NTM: variants seen among roughly 807,000 people sequenced by gnomAD.
NTM encodes the protein neurotrimin.
In NTM, 13 loss-of-function variants were observed where a neutral mutation model predicts 42.1. That is an observed-to-expected ratio of 0.31 (90% CI 0.20 to 0.49). The LOEUF is 0.49. NTM is among the 20% of genes least tolerant of loss of function. The pLI is 0.99. For synonymous variants in NTM, 187 were observed against 179.2 expected (o/e 1.04, Z -0.35); for missense variants, 373 against 452.8 (o/e 0.82, Z 1.60).
chr11:131,838,144 T>G lies in NTM; in HGVS notation c.83-73420T>G, dbSNP rs78825383. On this transcript the variant is annotated intron_variant, in intron 1 of 8. Transcript: ENST00000683400. The stretch of plus-strand genomic sequence containing the variant: ...TTTATTTATTTATTTTTACATCAGG[T>G]AAAAACCGGAAGGACGACTCGGTTC... Among the ~76,000 whole-genome samples the G allele has an allele frequency of 2.1e-3, 322 of 152,176 alleles. 5 individuals are homozygous for G. In the East Asian group the frequency reaches 0.037, roughly 17 times the overall value.
At chr11:132,063,640 A>G (rs1030788211) in intron 2 of NTM, among the ~76,000 whole-genome samples, 8 of 152,206 alleles carry the variant, frequency 5.3e-5, no homozygotes, top group East Asian at 1.9e-4. Context: ...TTAGACTTCA[A>G]TCATTTTACA....
intron 2 of NTM, among the ~76,000 whole-genome samples, chr11:132,060,312 C>T (rs957645798): frequency 4.6e-5 from 7 of 152,306 alleles, no homozygotes; most frequent in Non-Finnish European, 8.8e-5. Context: ...AGGGGTGCTC[C>T]GTTTACCTGG....
intron 3 of NTM, among the ~76,000 whole-genome samples, chr11:132,158,021 T>A (rs1010195542): frequency 4.6e-5 from 7 of 152,196 alleles, no homozygotes; most frequent in Admixed American, 4.6e-4. Flanking sequence ...CTGGCCTGCT[T>A]TTTTTGTTCT....
chr11:132,203,152 T>G (rs1485469345), intron 3 of NTM, among the ~76,000 whole-genome samples: 1 of 152,164 alleles, frequency 6.6e-6, no homozygotes, highest in Non-Finnish European at 1.5e-5. Flanking sequence ...AGTCCTCATT[T>G]AAAGATGCTG....
chr11:131,426,341 G>T (rs539477566), intron 1 of NTM, among the ~76,000 whole-genome samples: 2 of 152,192 alleles, frequency 1.3e-5, no homozygotes, highest in South Asian at 4.1e-4. Flanking sequence ...GCTGCACAGG[G>T]GTTAAGAGCC....
At chr11:131,870,686 C>T (rs2047688734) in intron 1 of NTM, among the ~76,000 whole-genome samples, 1 of 152,066 alleles carries the variant, frequency 6.6e-6, no homozygotes, top group South Asian at 2.1e-4. Context: ...CAACAACTTG[C>T]AAAATTTAGA....
chr11:132,028,432 G>C (rs949846573), intron 2 of NTM, among the ~76,000 whole-genome samples: 2 of 152,064 alleles, frequency 1.3e-5, no homozygotes, highest in Non-Finnish European at 1.5e-5. Context: ...GTTTCCTCTG[G>C]TGTTCTTGTT....
chr11:132,322,233 C>T (rs912668347), intron 7 of NTM, among the ~76,000 whole-genome samples: 1 of 152,118 alleles, frequency 6.6e-6, no homozygotes, highest in African/African-American at 2.4e-5. Flanking sequence ...CACAGACTGA[C>T]AAATTGGATA....
intron 1 of NTM, among the ~76,000 whole-genome samples, chr11:131,789,636 A>AGAAGGAAG (rs1555127949): frequency 3.2e-5 from 1 of 30,900 alleles, no homozygotes; most frequent in African/African-American, 1.2e-4. Context: ...AAGAAGAAGA[A>AGAAGGAAG]AAGAAGAAGA....
chr11:131,808,125 G>A (rs764664192), intron 1 of NTM, among the ~76,000 whole-genome samples: 36 of 152,122 alleles, frequency 2.4e-4, no homozygotes, highest in Non-Finnish European at 4.6e-4. Flanking sequence ...GCTTTCTCTA[G>A]GACTCACTTT....
At chr11:131,454,078 G>A (rs1950684344) in intron 1 of NTM, among the ~76,000 whole-genome samples, 1 of 152,168 alleles carries the variant, frequency 6.6e-6, no homozygotes, top group South Asian at 2.1e-4. Context: ...AAGGATTACA[G>A]CATCTCCCCT....
chr11:131,808,454 A>G (rs928268843), intron 1 of NTM, among the ~76,000 whole-genome samples: 2 of 152,224 alleles, frequency 1.3e-5, no homozygotes, highest in African/African-American at 4.8e-5. Context: ...ACTGCCTAGC[A>G]TGATGTAAAT....
chr11:131,978,703 C>T (rs2064789672), intron 2 of NTM, among the ~76,000 whole-genome samples: 1 of 152,188 alleles, frequency 6.6e-6, no homozygotes, highest in Admixed American at 6.5e-5. Flanking sequence ...ACCATGCATC[C>T]TCTACCAAAA....
chr11:131,873,574 C>CATATATATATACACATATAT (rs2048050445), intron 1 of NTM, among the ~76,000 whole-genome samples: 1 of 35,236 alleles, frequency 2.8e-5, no homozygotes, highest in Non-Finnish European at 6.8e-5. Flanking sequence ...TATATATATA[C>CATATATATATACACATATAT]ATATATATAT....
chr11:132,171,262 C>T (rs2076076993), intron 3 of NTM, among the ~76,000 whole-genome samples: 1 of 152,188 alleles, frequency 6.6e-6, no homozygotes, highest in African/African-American at 2.4e-5. Flanking sequence ...TGCCGCTGAT[C>T]CTTTATCTCC....
intron 1 of NTM, among the ~76,000 whole-genome samples, chr11:131,690,632 G>A (rs2074545463): frequency 6.6e-6 from 1 of 152,256 alleles, no homozygotes; most frequent in African/African-American, 2.4e-5. Context: ...CCATCTGCAA[G>A]GTGTCAGAGC....
At chr11:131,640,047 A>G (rs188420230) in intron 1 of NTM, among the ~76,000 whole-genome samples, 5 of 152,348 alleles carry the variant, frequency 3.3e-5, no homozygotes, top group Admixed American at 3.3e-4. Context: ...CTATTGAGCT[A>G]GGAAGACATG....
Position 132,330,176 on chromosome 11 carries a change from C to A in NTM, c.958C>A (p.Pro320Thr). The A allele has an allele frequency of 6.4e-7, 1 of 1,551,704 alleles. No homozygotes were observed. ...AGAAGTGAAAACTACAGCCCTGACC[C>A]CTTGGAAAGGTTTGTATATTTTTCA... is the stretch of plus-strand genomic sequence containing the variant. Reference protein sequence around the residue: ...LFEVKTTALTPWKGPGAVSEV... With the variant: ...LFEVKTTALTTWKGPGAVSEV... Residue 320 changes from proline (P) to threonine (T), a missense_variant, in exon 8 of 9, where the codon CCT becomes ACT. Physicochemically the swap from Pro to Thr is conservative, Grantham distance 38. Coordinates refer to ENST00000683400, the MANE Select transcript of NTM (RefSeq NM_001352005.2).
At chr11:132,050,600 A>AT (rs2078716283) in intron 2 of NTM, among the ~76,000 whole-genome samples, 1 of 152,210 alleles carries the variant, frequency 6.6e-6, no homozygotes, top group South Asian at 2.1e-4. Flanking sequence ...TGTACTTCCA[A>AT]GGAGAGGTGC....
Sources: allele counts gnomAD v4.1 joint callset (sites outside exome capture counted in the v4.1 genomes callset), GRCh38; gene constraint gnomAD v4.1.1; transcripts MANE v1.5; gene names NCBI Gene and HGNC (gene_info 2026-07-23, HGNC 2026-07-21).